Variants in DPYD observed in about 807,000 individuals in gnomAD.
DPYD encodes dihydropyrimidine dehydrogenase [NADP(+)].
In DPYD, 109 loss-of-function variants were observed where a neutral mutation model predicts 116.2. The observed-to-expected ratio is 0.94, with a 90% confidence interval of 0.80 to 1.10. The LOEUF is 1.10. DPYD is among the 50% of genes least tolerant of loss of function. The pLI, the probability that DPYD is intolerant of heterozygous loss-of-function variation, is 0.00. For synonymous variants in DPYD, 440 were observed against 432.0 expected, an observed-to-expected ratio of 1.02 and a Z score of -0.23; for missense variants, 1,302 against 1,254.5, an observed-to-expected ratio of 1.04 and a Z score of -0.57.
intron 2 of DPYD, among the ~76,000 whole-genome samples, chr1:97,874,255 G>C (rs1235984891): frequency 6.6e-6 from 1 of 151,894 alleles, no homozygotes; most frequent in East Asian, 1.9e-4. Flanking sequence ...TCTCAGCACA[G>C]AGATGGAAAG....
chr1:97,141,466 G>A (rs921124079), intron 20 of DPYD, among the ~76,000 whole-genome samples: 1 of 151,858 alleles, frequency 6.6e-6, no homozygotes, highest in Non-Finnish European at 1.5e-5. Flanking sequence ...AGACATCCAC[G>A]AGGCTTATTT....
intron 16 of DPYD, among the ~76,000 whole-genome samples, chr1:97,326,877 A>T (rs2101140037): frequency 6.6e-6 from 1 of 152,174 alleles, no homozygotes; most frequent in South Asian, 2.1e-4. Context: ...TATAGCAATT[A>T]ATTATCATTT....
chr1:97,128,504 G>T (rs4950021), intron 20 of DPYD, among the ~76,000 whole-genome samples: 83,955 of 151,976 alleles, frequency 0.55, 23,913 homozygotes, highest in African/African-American at 0.68. Context: ...TTTTGCTTTA[G>T]TATACCCTTA....
At chr1:97,147,370 G>A (rs200487891) in intron 20 of DPYD, among the ~76,000 whole-genome samples, 8 of 131,036 alleles carry the variant, frequency 6.1e-5, no homozygotes, top group East Asian at 2.5e-4. Flanking sequence ...ACAAACAAAC[G>A]AACAAACAAA....
chr1:97,657,550 T>C (rs1659001309), intron 8 of DPYD, among the ~76,000 whole-genome samples: 1 of 152,206 alleles, frequency 6.6e-6, no homozygotes, highest in Non-Finnish European at 1.5e-5. Context: ...TCTCAATCAG[T>C]GAAAACACAT....
chr1:97,785,118 GC>G (rs1287101551), intron 3 of DPYD, among the ~76,000 whole-genome samples: 2 of 152,052 alleles, frequency 1.3e-5, no homozygotes, highest in African/African-American at 2.4e-5. Flanking sequence ...TGAGAATATA[GC>G]TAATACAAAC....
chr1:97,427,836 T>C (rs1674958967), intron 14 of DPYD, among the ~76,000 whole-genome samples: 1 of 152,112 alleles, frequency 6.6e-6, no homozygotes, highest in African/African-American at 2.4e-5. Context: ...TAATTTTCTA[T>C]GTTGCTCCCA....
intron 20 of DPYD, among the ~76,000 whole-genome samples, chr1:97,161,909 T>A (rs1655933505): frequency 6.6e-6 from 1 of 152,074 alleles, no homozygotes; most frequent in African/African-American, 2.4e-5. Context: ...ACTCACCATT[T>A]TTTATGGCTA....
intron 20 of DPYD, among the ~76,000 whole-genome samples, chr1:97,139,360 T>A (rs924180690): frequency 2.0e-5 from 3 of 151,480 alleles, no homozygotes; most frequent in Admixed American, 6.6e-5. Context: ...GTTATAAAAA[T>A]AAAAAAAAAT....
At chr1:97,746,817 A>C (rs938031408) in intron 3 of DPYD, among the ~76,000 whole-genome samples, 2 of 152,106 alleles carry the variant, frequency 1.3e-5, no homozygotes, top group Non-Finnish European at 2.9e-5. Flanking sequence ...GCTCTCACTT[A>C]TTGGAAATAT....
chr1:97,293,327 A>G (rs1224874896), intron 18 of DPYD, among the ~76,000 whole-genome samples: 1 of 152,214 alleles, frequency 6.6e-6, no homozygotes, highest in Non-Finnish European at 1.5e-5. Flanking sequence ...TGAGCAATGG[A>G]GAAGGGGCAG....
At chr1:97,422,925 G>A (rs574461382) in intron 14 of DPYD, among the ~76,000 whole-genome samples, 5 of 152,186 alleles carry the variant, frequency 3.3e-5, no homozygotes, top group African/African-American at 1.2e-4. Context: ...ATGTAGAAGT[G>A]ACATGAAAAT....
intron 14 of DPYD, among the ~76,000 whole-genome samples, chr1:97,418,756 C>T (rs932545831): frequency 6.6e-6 from 1 of 152,004 alleles, no homozygotes; most frequent in Non-Finnish European, 1.5e-5. Flanking sequence ...TATTACAGAA[C>T]AAGCAAGAAC....
At chr1:97,668,835 C>T (rs1232615259) in intron 8 of DPYD, among the ~76,000 whole-genome samples, 1 of 151,558 alleles carries the variant, frequency 6.6e-6, no homozygotes, top group Non-Finnish European at 1.5e-5. Context: ...ACAAAACTAC[C>T]AAGTATTTTT....
chr1:97,444,238 A>C (rs1460376462), intron 14 of DPYD, among the ~76,000 whole-genome samples: 1 of 152,160 alleles, frequency 6.6e-6, no homozygotes, highest in Admixed American at 6.5e-5. Flanking sequence ...GGAATAACAC[A>C]TATTCTTAAT....
intron 20 of DPYD, among the ~76,000 whole-genome samples, chr1:97,133,978 C>G (rs12752069): frequency 0.52 from 64,205 of 122,420 alleles, 17,044 homozygotes; most frequent in Middle Eastern, 0.69. Context: ...CAGCCTGGGT[C>G]ACAGAGCCAG....
chr1:97,364,550 G>A (rs1670923298), intron 16 of DPYD, among the ~76,000 whole-genome samples: 2 of 152,130 alleles, frequency 1.3e-5, no homozygotes, highest in African/African-American at 2.4e-5. Flanking sequence ...TTTTTGGAGA[G>A]TACATATATT....
At chr1:97,198,145 A>C (rs1658943215) in intron 19 of DPYD, among the ~76,000 whole-genome samples, 1 of 152,064 alleles carries the variant, frequency 6.6e-6, no homozygotes. Flanking sequence ...TTGTAGCTTT[A>C]GAGTGGGATC....
intron 14 of DPYD, chr1:97,394,080 T>C (rs1034180032): frequency 2.0e-5 from 3 of 152,164 alleles, no homozygotes; most frequent in African/African-American, 7.2e-5. Context: ...TTTGGCTGCA[T>C]AAATGTCTTC....
Sources: allele counts gnomAD v4.1 joint callset (sites outside exome capture counted in the v4.1 genomes callset), GRCh38; gene constraint gnomAD v4.1.1; transcripts MANE v1.5; gene names NCBI Gene and HGNC (gene_info 2026-07-23, HGNC 2026-07-21).